ROBO2: variants seen among roughly 807,000 people sequenced by gnomAD.
ROBO2 encodes roundabout guidance receptor 2, also known as roundabout homolog 2.
Under a neutral mutation model 160.8 loss-of-function variants are expected in ROBO2, and 53 were observed. The ratio of observed to expected loss-of-function variants is 0.33; its 90% CI spans 0.26 to 0.41. The LOEUF is 0.41. ROBO2 is among the 10% of genes least tolerant of loss of function. ROBO2 has a pLI of 1.00. For missense variants in ROBO2, 1,577 were observed against 1,722.4 expected (o/e 0.92, Z 1.49); for synonymous variants, 664 against 611.7 (o/e 1.09, Z -1.26).
intron 2 of ROBO2, among the ~76,000 whole-genome samples, chr3:76,547,969 G>T (rs2083203161): frequency 6.6e-6 from 1 of 152,056 alleles, no homozygotes; most frequent in Admixed American, 6.5e-5. Flanking sequence ...TGAATTATTT[G>T]TTTTAATGTC....
At chr3:76,399,375 T>C (rs926894316) in intron 2 of ROBO2, among the ~76,000 whole-genome samples, 2 of 151,632 alleles carry the variant, frequency 1.3e-5, no homozygotes, top group African/African-American at 4.8e-5. Context: ...TTATTGCTAT[T>C]GTACACATAG....
chr3:75,959,443 G>A (rs184095561), intron 2 of ROBO2, among the ~76,000 whole-genome samples: 4 of 151,864 alleles, frequency 2.6e-5, no homozygotes, highest in African/African-American at 9.6e-5. Context: ...GGTTTTCCTA[G>A]TGCAGTACTC....
At chr3:77,242,673 G>A (rs770801389) in intron 2 of ROBO2, among the ~76,000 whole-genome samples, 14 of 152,018 alleles carry the variant, frequency 9.2e-5, no homozygotes, top group South Asian at 2.1e-4. Context: ...AAAAAGAAGC[G>A]TAAATGTAGA....
intron 2 of ROBO2, among the ~76,000 whole-genome samples, chr3:76,131,911 A>T (rs2071236695): frequency 6.6e-6 from 1 of 152,106 alleles, no homozygotes; most frequent in African/African-American, 2.4e-5. Flanking sequence ...GAGTGACTCA[A>T]ATTAGGAAAA....
intron 2 of ROBO2, among the ~76,000 whole-genome samples, chr3:77,471,421 A>C (rs1042893582): frequency 1.3e-5 from 2 of 152,202 alleles, no homozygotes; most frequent in African/African-American, 2.4e-5. Flanking sequence ...AAATTACTAC[A>C]AAATTCAGTG....
intron 2 of ROBO2, among the ~76,000 whole-genome samples, chr3:76,896,366 A>C (rs1259919938): frequency 6.6e-6 from 1 of 152,118 alleles, no homozygotes; most frequent in African/African-American, 2.4e-5. Flanking sequence ...TCATTTTATG[A>C]TCTTGATTTT....
intron 2 of ROBO2, among the ~76,000 whole-genome samples, chr3:77,252,807 C>CAAAAAAAAAAAAAAA (rs1182786373): frequency 1.6e-4 from 5 of 32,054 alleles, no homozygotes; most frequent in African/African-American, 7.1e-4. Flanking sequence ...GACTCCATCT[C>CAAAAAAAAAAAAAAA]AAAAAAAAAA....
chr3:76,485,931 T>C (rs558580098), intron 2 of ROBO2, among the ~76,000 whole-genome samples: 1 of 152,232 alleles, frequency 6.6e-6, no homozygotes, highest in Admixed American at 6.5e-5. Flanking sequence ...TAGACCAAAA[T>C]ATGGAAACAT....
intron 2 of ROBO2, among the ~76,000 whole-genome samples, chr3:76,160,746 C>T (rs931111055): frequency 2.0e-5 from 3 of 152,016 alleles, no homozygotes; most frequent in African/African-American, 7.2e-5. Context: ...AAACTGAGGT[C>T]TTATCCTGAG....
intron 2 of ROBO2, among the ~76,000 whole-genome samples, chr3:76,764,952 A>G (rs2061496626): frequency 6.6e-6 from 1 of 151,686 alleles, no homozygotes; most frequent in Non-Finnish European, 1.5e-5. Flanking sequence ...GTGCAGATTT[A>G]TTATGTGCAT....
chr3:77,322,847 ATT>A (rs1468276800), intron 2 of ROBO2, among the ~76,000 whole-genome samples: 1 of 115,550 alleles, frequency 8.7e-6, no homozygotes, highest in East Asian at 2.4e-4. Context: ...AATATATTAT[ATT>A]ATACATATGT....
chr3:76,305,628 G>C (rs2071307701), intron 2 of ROBO2, among the ~76,000 whole-genome samples: 1 of 151,422 alleles, frequency 6.6e-6, no homozygotes, highest in East Asian at 2.0e-4. Context: ...GTGTGGTGGT[G>C]GGTGCTTGTA....
chr3:77,171,186 C>T (rs1284221602), intron 2 of ROBO2, among the ~76,000 whole-genome samples: 1 of 152,154 alleles, frequency 6.6e-6, no homozygotes, highest in African/African-American at 2.4e-5. Context: ...TGGGACATTG[C>T]CTGCACTGGC....
intron 2 of ROBO2, among the ~76,000 whole-genome samples, chr3:75,999,120 A>C (rs1455345772): frequency 6.6e-6 from 1 of 152,174 alleles, no homozygotes; most frequent in African/African-American, 2.4e-5. Flanking sequence ...CAGGCTAGTT[A>C]CTATCTGAGC....
At chr3:75,978,502 G>A (rs1320095449) in intron 2 of ROBO2, among the ~76,000 whole-genome samples, 2 of 151,230 alleles carry the variant, frequency 1.3e-5, no homozygotes, top group African/African-American at 2.4e-5. Context: ...TTAAAATAAA[G>A]CAAAATATTT....
At chr3:76,062,450 A>T (rs1304810257) in intron 2 of ROBO2, among the ~76,000 whole-genome samples, 1 of 152,184 alleles carries the variant, frequency 6.6e-6, no homozygotes, top group Non-Finnish European at 1.5e-5. Flanking sequence ...TTAGCAAAAC[A>T]TTGTACCAGG....
intron 2 of ROBO2, among the ~76,000 whole-genome samples, chr3:76,905,277 G>A (rs944074092): frequency 8.6e-5 from 13 of 152,046 alleles, no homozygotes; most frequent in South Asian, 4.1e-4. Context: ...AAGGGGAGGC[G>A]TTATAATCGG....
In ROBO2 at chr3:77,577,274, G is replaced by A. The variant is rs151013384; in HGVS notation, c.2204-216G>A. On this transcript the variant is annotated intron_variant, in intron 14 of 25. Transcript: ENST00000461745. ...ATGTTAGCTGTAAATTTATTATTGA[G>A]AGCATATTACAAAAGCTGTTCCATT... Among the ~76,000 whole-genome samples, 4 of 152,126 alleles carry A rather than the reference G, an allele frequency of 2.6e-5. No individual in the cohort carries two copies. The East Asian group carries it at 7.7e-4, about 29-fold the overall frequency.
At chr3:77,223,212 G>A (rs1013052936) in intron 2 of ROBO2, among the ~76,000 whole-genome samples, 1 of 152,138 alleles carries the variant, frequency 6.6e-6, no homozygotes, top group Non-Finnish European at 1.5e-5. Context: ...AAGAATGAAT[G>A]TAGACTTTCA....
Sources: gnomAD v4.1 joint callset for allele counts (sites outside exome capture counted in the v4.1 genomes callset) on GRCh38, gnomAD v4.1.1 for gene constraint, MANE v1.5 for transcripts, NCBI Gene and HGNC (gene_info 2026-07-23, HGNC 2026-07-21) for gene names.